The following ADGRG7 variants were observed in gnomAD, a reference collection of about 807,000 sequenced individuals.
The protein encoded by ADGRG7 is adhesion G protein-coupled receptor G7.
A neutral mutation model predicts 88.6 loss-of-function variants in ADGRG7; 82 were observed. The ratio of observed to expected loss-of-function variants is 0.93; its 90% CI spans 0.77 to 1.11. The LOEUF (loss-of-function observed/expected upper bound fraction) is 1.11, where lower values mean the gene tolerates loss of function less well. Among genes scored for constraint, ADGRG7 ranks in the 50% most tolerant of loss-of-function variants. The probability of loss-of-function intolerance (pLI) is 0.00; values close to 1 mark genes in which losing one functional copy is unlikely to be tolerated. For missense variants in ADGRG7, 945 were observed against 953.4 expected, an observed-to-expected ratio of 0.99 and a Z score of 0.12; for synonymous variants, 381 against 345.2, an observed-to-expected ratio of 1.10 and a Z score of -1.15.
chr3:100,674,174 G>A (rs182054605), intron 15 of ADGRG7, among the ~76,000 whole-genome samples: 122 of 152,232 alleles, frequency 8.0e-4, no homozygotes, highest in African/African-American at 2.9e-3. Flanking sequence ...CCAGTACTAT[G>A]CTGTTTTCAT....
intron 11 of ADGRG7, among the ~76,000 whole-genome samples, chr3:100,650,024 C>T (rs1395186296): frequency 6.6e-6 from 1 of 152,104 alleles, no homozygotes; most frequent in Non-Finnish European, 1.5e-5. Flanking sequence ...AAATTATATG[C>T]CACTTATTTA....
chr3:100,619,772 A>G (rs1354817630), intron 1 of ADGRG7, among the ~76,000 whole-genome samples: 2 of 152,238 alleles, frequency 1.3e-5, no homozygotes, highest in Admixed American at 1.3e-4. Context: ...AGAGAATACT[A>G]TAAACACCTC....
At chr3:100,628,506 G>T (rs1402868427) in intron 1 of ADGRG7, among the ~76,000 whole-genome samples, 1 of 151,906 alleles carries the variant, frequency 6.6e-6, no homozygotes, top group Admixed American at 6.6e-5. Flanking sequence ...CTACAGGCAG[G>T]CACCACCACA....
intron 15 of ADGRG7, among the ~76,000 whole-genome samples, chr3:100,693,593 T>C (rs1163214926): frequency 6.6e-6 from 1 of 152,134 alleles, no homozygotes; most frequent in Non-Finnish European, 1.5e-5. Flanking sequence ...ATTCCAAAAA[T>C]AAACTCTTAA....
rs1707674084 is a variant in ADGRG7 at position 100,643,172 on chromosome 3, T to G, written c.699-94T>G. On this transcript the variant is annotated intron_variant, in intron 6 of 15. Transcript: ENST00000273352. ...ATGTTGTCATGACCACACAATTCTA[T>G]GCTCATGTCTTTCTGCTGTAGTGTA... 3 of 1,106,130 alleles carry G rather than the reference T, an allele frequency of 2.7e-6. No individual in the cohort carries two copies. The Admixed American group carries it at 6.5e-5, about 24-fold the overall frequency. The allele number at this position is 1,106,130 out of a possible 1,614,324, so 68.5% of individuals were successfully genotyped here.
chr3:100,626,848 A>G (rs1468776247), intron 1 of ADGRG7, among the ~76,000 whole-genome samples: 1 of 152,218 alleles, frequency 6.6e-6, no homozygotes, highest in African/African-American at 2.4e-5. Context: ...TTTATTTCCA[A>G]GAATTTTATA....
Position 100,629,273 on chromosome 3 carries a change from C to T in ADGRG7, c.116-325C>T, listed in dbSNP as rs1041025410. ...TTATAAGCCTCCATGTTGACTCTAT[C>T]TATCTATCTATCTATCTATCTATCT... On this transcript the variant is annotated intron_variant, in intron 1 of 15. Coordinates refer to ENST00000273352, the MANE Select transcript of ADGRG7 (RefSeq NM_032787.3). Among the ~76,000 whole-genome samples the T allele has an allele frequency of 6.2e-5, 6 of 96,972 alleles. No individual in the cohort carries two copies. In the South Asian group the frequency reaches 1.6e-3, roughly 26 times the overall value. 63.6% of individuals were successfully genotyped at this position (96,972 alleles called of 152,430 possible).
intron 14 of ADGRG7, among the ~76,000 whole-genome samples, chr3:100,664,394 C>T (rs1024717731): frequency 6.6e-6 from 1 of 152,086 alleles, no homozygotes; most frequent in Non-Finnish European, 1.5e-5. Flanking sequence ...ATTTCTAAGA[C>T]TAAGATGCTA....
intron 13 of ADGRG7, 60 bp downstream of exon 13, chr3:100,656,055 A>C (rs1576327565): frequency 6.1e-6 from 6 of 978,886 alleles, no homozygotes; most frequent in Non-Finnish European, 9.9e-6. Context: ...CTGTTCAGTG[A>C]TATTGACTCC....
At chr3:100,619,799 A>G (rs538835991) in intron 1 of ADGRG7, among the ~76,000 whole-genome samples, 2 of 152,332 alleles carry the variant, frequency 1.3e-5, no homozygotes, top group South Asian at 2.1e-4. Context: ...AATAAACTAG[A>G]AAATCTAGAA....
intron 6 of ADGRG7, among the ~76,000 whole-genome samples, chr3:100,639,475 C>T (rs1296945470): frequency 6.6e-6 from 1 of 152,154 alleles, no homozygotes; most frequent in Admixed American, 6.5e-5. Context: ...GTTGAGTGAA[C>T]AGTTTTACTG....
chr3:100,649,752 T>C lies in ADGRG7; in HGVS notation c.1324T>C (p.Cys442Arg), dbSNP rs368400475. The C allele has an allele frequency of 7.4e-6, 12 of 1,612,144 alleles. No individual in the cohort carries two copies. The highest frequency in any genetic ancestry group is 9.3e-6 in the Non-Finnish European group (11 of 1,178,492). ...KSLDILSNVG[C>R]ALSVTGLALT... ...ACTTGACATATTATCCAACGTTGGA[T>C]GTGCACTGTCTGTTACTGGTCTGGC... The change falls in exon 11 of 16, where the codon TGT becomes CGT. Residue 442 changes from cysteine (C) to arginine (R), a missense_variant. By Grantham distance (180) the Cys-to-Arg change is radical. Coordinates refer to ENST00000273352, the MANE Select transcript of ADGRG7 (RefSeq NM_032787.3).
At chr3:100,648,452 G>A (rs1707794623) in intron 10 of ADGRG7, among the ~76,000 whole-genome samples, 2 of 152,118 alleles carry the variant, frequency 1.3e-5, no homozygotes, top group South Asian at 2.1e-4. Context: ...ATTTTTAAAT[G>A]TGTATTTTGT....
chr3:100,626,644 G>A (rs1393297274), intron 1 of ADGRG7, among the ~76,000 whole-genome samples: 1 of 152,138 alleles, frequency 6.6e-6, no homozygotes, highest in Non-Finnish European at 1.5e-5. Context: ...AATTAGCTGG[G>A]CATGGTGGCA....
chr3:100,655,087 C>G lies in ADGRG7; in HGVS notation c.1632C>G (p.Asn544Lys), dbSNP rs765777950. 6.2e-7 allele frequency: 1 copy of G among 1,614,050 alleles called. No individual in the cohort carries two copies. Among genetic ancestry groups the G allele is most frequent in the East Asian group, 2.2e-5 (1 of 44,890 alleles). The change falls in exon 12 of 16, where the codon AAC (asparagine) becomes AAG (lysine). Residue 544 changes from asparagine to lysine, a missense_variant. Transcript: ENST00000273352. ...TTCTGTTAGTGACATTTACCTGGAA[C>G]GCACTCAGCGCTGCACAGCTCTATT... ...HYFLLVTFTWNALSAAQLYYL... is the reference protein window; with the variant it reads ...HYFLLVTFTWKALSAAQLYYL...
chr3:100,656,515 G>A (rs905291623), intron 13 of ADGRG7, among the ~76,000 whole-genome samples: 1 of 152,170 alleles, frequency 6.6e-6, no homozygotes. Context: ...TGATTCCAGT[G>A]TGAATAATTA....
In ADGRG7 at chr3:100,669,063, G is replaced by T; in HGVS notation, c.2094G>T (p.Arg698Ser). Residue 698 changes from arginine (R) to serine (S), a missense_variant, in exon 15 of 16, where the codon AGG becomes AGT. Transcript: ENST00000273352. ...TGCTAGTTAATGATGATAGCATCAG[G>T]ATCGTCTTCAGCTACATATTCTGCC... ...YLMLVNDDSI[R>S]IVFSYIFCLF... The T allele has an allele frequency of 1.2e-6, 2 of 1,600,274 alleles. No homozygotes were observed. The highest frequency in any genetic ancestry group is 2.3e-5 in the South Asian group (2 of 86,868).
At chr3:100,692,797 CATAGT>C (rs2094996105) in intron 15 of ADGRG7, among the ~76,000 whole-genome samples, 1 of 152,100 alleles carries the variant, frequency 6.6e-6, no homozygotes, top group African/African-American at 2.4e-5. Flanking sequence ...TCAGAACTTA[CATAGT>C]ATGTTAAAAT....
intron 14 of ADGRG7, among the ~76,000 whole-genome samples, chr3:100,660,967 A>AAAG (rs1559683707): frequency 6.6e-6 from 1 of 151,462 alleles, no homozygotes; most frequent in African/African-American, 2.4e-5. Context: ...AAAAAAAAAA[A>AAAG]GAATTGAATT....
Sources: allele counts gnomAD v4.1 joint callset (sites outside exome capture counted in the v4.1 genomes callset), GRCh38; gene constraint gnomAD v4.1.1; transcripts MANE v1.5; gene names NCBI Gene and HGNC (gene_info 2026-07-23, HGNC 2026-07-21).